CHN2: variants seen among roughly 807,000 people sequenced by gnomAD.
CHN2 encodes the protein beta-chimaerin.
CHN2 carries 35 observed loss-of-function variants against 56.3 expected under a neutral mutation model. The ratio of observed to expected loss-of-function variants is 0.62; its 90% CI spans 0.47 to 0.82. The LOEUF (loss-of-function observed/expected upper bound fraction) is 0.82, where lower values mean the gene tolerates loss of function less well. Ranked by LOEUF, CHN2 falls within the 40% of genes least tolerant of loss-of-function variation. The pLI, the probability that CHN2 is intolerant of heterozygous loss-of-function variation, is 0.00. For missense variants in CHN2, 491 were observed against 580.5 expected, an observed-to-expected ratio of 0.85 and a Z score of 1.58; for synonymous variants, 210 against 212.8, an observed-to-expected ratio of 0.99 and a Z score of 0.12.
intron 2 of CHN2, among the ~76,000 whole-genome samples, chr7:29,156,493 C>G (rs1428737969): frequency 2.6e-5 from 4 of 152,156 alleles, no homozygotes; most frequent in African/African-American, 9.7e-5. Context: ...AGATGGCGAT[C>G]TTGTGAAATA....
chr7:29,449,972 G>T (rs1784290952), intron 6 of CHN2, among the ~76,000 whole-genome samples: 2 of 152,154 alleles, frequency 1.3e-5, no homozygotes, highest in African/African-American at 4.8e-5. Context: ...TTAATTTGTG[G>T]TTAGTCAGTA....
chr7:29,343,769 C>G (rs1273314372), intron 1 of CHN2, among the ~76,000 whole-genome samples: 2 of 152,056 alleles, frequency 1.3e-5, no homozygotes, highest in African/African-American at 4.8e-5. Flanking sequence ...CCCCCACTCT[C>G]ATGTTCCCCC....
At chr7:29,475,798 G>A (rs572849667) in intron 6 of CHN2, among the ~76,000 whole-genome samples, 14 of 152,264 alleles carry the variant, frequency 9.2e-5, no homozygotes, top group African/African-American at 2.2e-4. Context: ...TATATTGTAC[G>A]ATTCCCTTTA....
chr7:29,302,564 C>T (rs1039004797), intron 1 of CHN2, among the ~76,000 whole-genome samples: 1 of 135,012 alleles, frequency 7.4e-6, no homozygotes, highest in Admixed American at 7.9e-5. Context: ...TGGTCTCAAA[C>T]TCTTGGGCTC....
chr7:29,418,102 G>A (rs1803958810), intron 6 of CHN2, among the ~76,000 whole-genome samples: 1 of 152,222 alleles, frequency 6.6e-6, no homozygotes, highest in African/African-American at 2.4e-5. Context: ...GTTTTGAACG[G>A]TGCTATTTCC....
intron 1 of CHN2, among the ~76,000 whole-genome samples, chr7:29,243,738 C>T (rs1209395807): frequency 2.0e-5 from 3 of 152,296 alleles, no homozygotes; most frequent in Admixed American, 2.0e-4. Flanking sequence ...CTCAAGGCTA[C>T]AGAGGGAAAG....
intron 1 of CHN2, among the ~76,000 whole-genome samples, chr7:29,228,277 C>T (rs966475824): frequency 1.3e-5 from 2 of 151,948 alleles, no homozygotes; most frequent in African/African-American, 4.8e-5. Context: ...CTGCATATAC[C>T]ACAGTGGTTC....
At chr7:29,283,810 G>A (rs1424504408) in intron 1 of CHN2, among the ~76,000 whole-genome samples, 2 of 151,282 alleles carry the variant, frequency 1.3e-5, no homozygotes. Flanking sequence ...GTAGAGATGG[G>A]GTTTCCCTAT....
chr7:29,361,810 G>T (rs1798755235), intron 2 of CHN2, among the ~76,000 whole-genome samples: 1 of 152,186 alleles, frequency 6.6e-6, no homozygotes, highest in African/African-American at 2.4e-5. Flanking sequence ...GGGTCTCTTT[G>T]TAAACCAGTC....
At chr7:29,197,157 C>T (rs191584565) in intron 1 of CHN2, among the ~76,000 whole-genome samples, 2 of 152,194 alleles carry the variant, frequency 1.3e-5, no homozygotes, top group African/African-American at 4.8e-5. Flanking sequence ...CAGCTGGGCT[C>T]TCTCAGGGGA....
chr7:29,482,797 C>CTTTTCTTTTTTTTT, intron 7 of CHN2, among the ~76,000 whole-genome samples: 1 of 64,206 alleles, frequency 1.6e-5, no homozygotes, highest in Non-Finnish European at 2.9e-5. Context: ...GCACTTTTTT[C>CTTTTCTTTTTTTTT]TTTTTTTTTT....
intron 6 of CHN2, among the ~76,000 whole-genome samples, chr7:29,458,107 A>T (rs1784897856): frequency 6.6e-6 from 1 of 152,214 alleles, no homozygotes; most frequent in Non-Finnish European, 1.5e-5. Context: ...TGTATGTCAC[A>T]AAAGACAGTG....
At chr7:29,438,329 T>G (rs1472309428) in intron 6 of CHN2, among the ~76,000 whole-genome samples, 2 of 152,228 alleles carry the variant, frequency 1.3e-5, no homozygotes, top group Non-Finnish European at 2.9e-5. Flanking sequence ...CACTAGAATC[T>G]TATTATTTGG....
intron 6 of CHN2, among the ~76,000 whole-genome samples, chr7:29,409,779 T>G (rs557283155): frequency 3.9e-5 from 6 of 152,358 alleles, no homozygotes; most frequent in African/African-American, 1.4e-4. Flanking sequence ...TAAAGGGATC[T>G]TGGGGATCCC....
At chr7:29,355,492 C>T (rs1318582603) in intron 2 of CHN2, among the ~76,000 whole-genome samples, 3 of 152,216 alleles carry the variant, frequency 2.0e-5, no homozygotes, top group Admixed American at 6.5e-5. Context: ...TGAAGGCAGG[C>T]GGCTATCATT....
intron 1 of CHN2, among the ~76,000 whole-genome samples, chr7:29,272,006 T>A (rs1350587287): frequency 2.0e-5 from 3 of 152,178 alleles, no homozygotes; most frequent in African/African-American, 4.8e-5. Flanking sequence ...AGGAGAGACA[T>A]GGAGAAAGGG....
chr7:29,195,053 C>G lies in CHN2; in HGVS notation c.49+63C>G, dbSNP rs1204478995. On this transcript the variant is annotated intron_variant, in intron 1 of 12. Transcript: ENST00000222792. ...GTCTCGCCCCACTGCCCTCGCCCCG[C>G]AGCCTGGGATGGACAGAGCCTACCT... 2.0e-6 allele frequency: 3 copies of G among 1,525,672 alleles called. No homozygotes were observed. In the Admixed American group the frequency reaches 5.5e-5, roughly 28 times the overall value. The allele number at this position is 1,525,672 out of a possible 1,614,324, so 94.5% of individuals were successfully genotyped here. A position where few individuals can be genotyped will look rare whatever the true frequency, so the allele number is the denominator to read the frequency against.
intron 6 of CHN2, chr7:29,401,110 T>A (rs1036149236): frequency 3.0e-6 from 1 of 335,096 alleles, no homozygotes; most frequent in East Asian, 6.2e-5. Context: ...CTACAAAAAA[T>A]ACAAAAAATC....
At chr7:29,385,717 C>A (rs890379264) in intron 3 of CHN2, among the ~76,000 whole-genome samples, 1 of 152,144 alleles carries the variant, frequency 6.6e-6, no homozygotes, top group Admixed American at 6.5e-5. Context: ...ACCTCCCCTC[C>A]CAGTTGAGAA....
Sources: allele counts gnomAD v4.1 joint callset (sites outside exome capture counted in the v4.1 genomes callset), GRCh38; gene constraint gnomAD v4.1.1; transcripts MANE v1.5; gene names NCBI Gene and HGNC (gene_info 2026-07-23, HGNC 2026-07-21).